ROBO2: variants seen among roughly 807,000 people sequenced by gnomAD.
The protein encoded by ROBO2 is roundabout guidance receptor 2, also known as roundabout homolog 2.
ROBO2 carries 53 observed loss-of-function variants against 160.8 expected under a neutral mutation model. That is an observed-to-expected ratio of 0.33 (90% CI 0.26 to 0.41). The LOEUF (loss-of-function observed/expected upper bound fraction) is 0.41, where lower values mean the gene tolerates loss of function less well. Ranked by LOEUF, ROBO2 falls within the 10% of genes least tolerant of loss-of-function variation. The pLI, the probability that ROBO2 is intolerant of heterozygous loss-of-function variation, is 1.00. For synonymous variants in ROBO2, 664 were observed against 611.7 expected (o/e 1.09, Z -1.26); for missense variants, 1,577 against 1,722.4 (o/e 0.92, Z 1.49).
At chr3:77,062,332 C>T (rs2066408202) in intron 1 of ROBO2, among the ~76,000 whole-genome samples, 1 of 152,078 alleles carries the variant, frequency 6.6e-6, no homozygotes, top group Non-Finnish European at 1.5e-5. Flanking sequence ...TCTGTCTAAC[C>T]CAGTCAGGCA....
At chr3:77,190,748 G>A (rs4683979) in intron 2 of ROBO2, among the ~76,000 whole-genome samples, 39,655 of 151,730 alleles carry the variant, frequency 0.26, 5,456 homozygotes, top group African/African-American at 0.32. Context: ...TTTAGTGCCT[G>A]GACTCCTGGT....
intron 16 of ROBO2, among the ~76,000 whole-genome samples, chr3:77,582,021 C>A (rs2093931462): frequency 6.6e-6 from 1 of 152,192 alleles, no homozygotes; most frequent in South Asian, 2.1e-4. Flanking sequence ...ATTCCCTATC[C>A]TAAAATTTAC....
intron 2 of ROBO2, among the ~76,000 whole-genome samples, chr3:76,894,174 C>T (rs1427587583): frequency 1.3e-5 from 2 of 152,070 alleles, no homozygotes; most frequent in Admixed American, 6.6e-5. Context: ...AAACCTATTA[C>T]CAATACTTGC....
At chr3:77,420,587 G>A (rs2077626959) in intron 2 of ROBO2, among the ~76,000 whole-genome samples, 1 of 152,100 alleles carries the variant, frequency 6.6e-6, no homozygotes, top group African/African-American at 2.4e-5. Flanking sequence ...AATGATTTCA[G>A]CCAAACAGAC....
chr3:77,062,260 A>G (rs754046954), intron 1 of ROBO2, among the ~76,000 whole-genome samples: 21 of 152,108 alleles, frequency 1.4e-4, no homozygotes, highest in Admixed American at 1.2e-3. Context: ...GATTTAAATA[A>G]ACTCATTATT....
Position 77,130,190 on chromosome 3 carries a change from T to C in ROBO2, c.388+31850T>C, listed in dbSNP as rs1019750208. Among the ~76,000 whole-genome samples the C allele has an allele frequency of 4.6e-5, 7 of 152,232 alleles. No homozygotes were observed. The East Asian group carries it at 1.4e-3, about 30-fold the overall frequency. On this transcript the variant is annotated intron_variant, in intron 2 of 25. Transcript: ENST00000461745. ...TGACTCTCAAATGGTCATTGTCAAC[T>C]TCCGATGGCCGGCCACTGCACTCCT...
At chr3:76,196,056 A>G (rs1452653869) in intron 2 of ROBO2, among the ~76,000 whole-genome samples, 1 of 152,140 alleles carries the variant, frequency 6.6e-6, no homozygotes, top group East Asian at 1.9e-4. Context: ...TTTGTCACAG[A>G]CAAGGAGCCT....
chr3:77,385,973 A>C (rs2074057568), intron 2 of ROBO2, among the ~76,000 whole-genome samples: 1 of 152,204 alleles, frequency 6.6e-6, no homozygotes, highest in South Asian at 2.1e-4. Context: ...AAATAAAAAC[A>C]TGAAATATTG....
intron 2 of ROBO2, among the ~76,000 whole-genome samples, chr3:76,304,747 CTTCTTTCTTTCTTTCTTTCTTTCT>C (rs1222058179): frequency 3.0e-5 from 3 of 101,626 alleles, no homozygotes; most frequent in Admixed American, 9.7e-5. Context: ...CTTTTCTTTC[CTTCTTTCTTTCTTTCTTTCTTTCT>C]TTCTTTCTTT....
chr3:77,558,019 T>C (rs1224538431), exon 9 of ROBO2: 1 of 1,613,236 alleles, frequency 6.2e-7, no homozygotes, highest in Non-Finnish European at 8.5e-7. Context: ...GGTACAGCGT[T>C]ACTGAAATGT....
chr3:76,115,249 CT>C (rs1207495860), intron 2 of ROBO2, among the ~76,000 whole-genome samples: 1 of 152,042 alleles, frequency 6.6e-6, no homozygotes, highest in Non-Finnish European at 1.5e-5. Flanking sequence ...ATAAATTCCC[CT>C]TTTTTGCATC....
At chr3:77,337,436 C>T (rs542454048) in intron 2 of ROBO2, among the ~76,000 whole-genome samples, 1 of 152,158 alleles carries the variant, frequency 6.6e-6, no homozygotes, top group East Asian at 1.9e-4. Flanking sequence ...AGTTTATTTT[C>T]TTAAAGGCTG....
At chr3:77,420,136 G>T (rs955086958) in intron 2 of ROBO2, among the ~76,000 whole-genome samples, 2 of 152,094 alleles carry the variant, frequency 1.3e-5, no homozygotes, top group Non-Finnish European at 2.9e-5. Context: ...AATGACTTCA[G>T]TAAGATGGAA....
chr3:76,483,955 C>T (rs1336031645), intron 2 of ROBO2, among the ~76,000 whole-genome samples: 3 of 152,080 alleles, frequency 2.0e-5, no homozygotes, highest in East Asian at 3.9e-4. Context: ...TTTCTTTATC[C>T]GGTCTATCAC....
intron 2 of ROBO2, among the ~76,000 whole-genome samples, chr3:77,395,424 G>A (rs931163773): frequency 2.0e-5 from 3 of 152,134 alleles, no homozygotes; most frequent in Non-Finnish European, 4.4e-5. Context: ...TTATGCTTTA[G>A]GAGAGCAGTG....
chr3:76,184,579 AGATAGATAGATAGAT>A (rs1008429837), intron 2 of ROBO2, among the ~76,000 whole-genome samples: 11 of 148,166 alleles, frequency 7.4e-5, no homozygotes, highest in South Asian at 6.5e-4. Flanking sequence ...ATAGATAGAT[AGATAGATAGATAGAT>A]AAGAGGGGAT....
intron 2 of ROBO2, among the ~76,000 whole-genome samples, chr3:77,410,332 A>G (rs553193884): frequency 1.3e-5 from 2 of 152,144 alleles, no homozygotes; most frequent in East Asian, 3.9e-4. Flanking sequence ...TTGTTTCTAA[A>G]TTTCACTTAG....
At chr3:76,013,504 AGTTGG>A (rs2066277432) in intron 2 of ROBO2, among the ~76,000 whole-genome samples, 17 of 150,644 alleles carry the variant, frequency 1.1e-4, no homozygotes, top group Non-Finnish European at 1.5e-4. Flanking sequence ...GCATAAAGGC[AGTTGG>A]AGGCTGGGCA....
At chr3:76,728,007 A>G (rs1006958513) in intron 2 of ROBO2, among the ~76,000 whole-genome samples, 7 of 152,162 alleles carry the variant, frequency 4.6e-5, no homozygotes, top group Non-Finnish European at 1.0e-4. Flanking sequence ...AAAATATCAC[A>G]TATACTGTAT....
Sources: gnomAD v4.1 joint callset for allele counts (sites outside exome capture counted in the v4.1 genomes callset) on GRCh38, gnomAD v4.1.1 for gene constraint, MANE v1.5 for transcripts, NCBI Gene and HGNC (gene_info 2026-07-23, HGNC 2026-07-21) for gene names.